Variants in XPO7 observed in about 807,000 individuals in gnomAD.
XPO7 encodes exportin-7.
Under a neutral mutation model 144.3 loss-of-function variants are expected in XPO7, and 21 were observed. That is an observed-to-expected ratio of 0.15 (90% CI 0.10 to 0.21). The LOEUF is 0.21. XPO7 is among the 10% of genes least tolerant of loss of function. The pLI is 1.00. For missense variants in XPO7, 808 were observed against 1,325.8 expected, an observed-to-expected ratio of 0.61 and a Z score of 6.06; for synonymous variants, 580 against 499.6, an observed-to-expected ratio of 1.16 and a Z score of -2.15.
chr8:21,941,469 TC>T (rs1292057560), intron 1 of XPO7, among the ~76,000 whole-genome samples: 3 of 152,318 alleles, frequency 2.0e-5, no homozygotes, highest in African/African-American at 7.2e-5. Flanking sequence ...CTTTAAATCA[TC>T]TCTAGATTAC....
chr8:21,955,092 C>T (rs1811492366), intron 1 of XPO7, among the ~76,000 whole-genome samples: 1 of 152,190 alleles, frequency 6.6e-6, no homozygotes, highest in East Asian at 1.9e-4. Flanking sequence ...AATTTGGGTT[C>T]TCAAATAGCT....
intron 2 of XPO7, 70 bp downstream of exon 2, chr8:21,967,073 G>A: frequency 6.5e-7 from 1 of 1,541,580 alleles, no homozygotes. Flanking sequence ...CTCTGTGTAG[G>A]AATGGCATGG....
intron 21 of XPO7, among the ~76,000 whole-genome samples, chr8:21,998,398 G>A (rs565275795): frequency 9.2e-5 from 14 of 152,230 alleles, no homozygotes; most frequent in Middle Eastern, 3.4e-3. Flanking sequence ...CCGAAATTGC[G>A]CCACCGCACT....
At position 21,972,581 on chromosome 8, in the gene XPO7, T is replaced by G. The variant is rs570298606; in HGVS notation, c.492+640T>G. 4.6e-5 allele frequency among the ~76,000 whole-genome samples: 7 copies of G among 152,322 alleles called. No individual in the cohort carries two copies. In the South Asian group the frequency reaches 1.5e-3, roughly 32 times the overall value. On this transcript the variant is annotated intron_variant, in intron 5 of 27. Transcript: ENST00000252512. The stretch of plus-strand genomic sequence containing the variant: ...GTGCCCCTTCTGCTCCTATATACTT[T>G]AAATTTTTTAAATGGTCATTGATGC...
chr8:21,981,641 C>A, intron 9 of XPO7, 90 bp from the exon 10 acceptor site: 1 of 1,495,772 alleles, frequency 6.7e-7, no homozygotes, highest in Non-Finnish European at 9.2e-7. Context: ...TAGATTCTAC[C>A]CCTTCCCCCA....
intron 8 of XPO7, among the ~76,000 whole-genome samples, chr8:21,979,790 T>C (rs1267771628): frequency 6.6e-6 from 1 of 152,092 alleles, no homozygotes; most frequent in African/African-American, 2.4e-5. Context: ...GAAAACTAAA[T>C]CTAAAACTTT....
At chr8:21,996,937 T>C (rs908620810) in intron 21 of XPO7, among the ~76,000 whole-genome samples, 13 of 152,130 alleles carry the variant, frequency 8.5e-5, no homozygotes, top group Non-Finnish European at 1.6e-4. Context: ...GCCTCCCACA[T>C]AGCTGGGATT....
intron 12 of XPO7, among the ~76,000 whole-genome samples, chr8:21,985,212 C>G (rs1812540863): frequency 6.6e-6 from 1 of 152,112 alleles, no homozygotes; most frequent in Non-Finnish European, 1.5e-5. Flanking sequence ...GGGACCAGGC[C>G]AAGAGGTTTA....
intron 20 of XPO7, among the ~76,000 whole-genome samples, chr8:21,994,856 A>G (rs2117390959): frequency 6.6e-6 from 1 of 152,220 alleles, no homozygotes; most frequent in African/African-American, 2.4e-5. Flanking sequence ...GATCGAGACC[A>G]TCCTGGCTAA....
rs545131746 is a variant in XPO7, at chr8:21,928,058, T to C, written c.18+8270T>C. Among the ~76,000 whole-genome samples, 167 of 152,346 alleles carry C rather than the reference T, an allele frequency of 1.1e-3. 2 individuals carry two copies. The highest frequency in any genetic ancestry group is 3.9e-3 in the African/African-American group (163 of 41,572). ...GATACATACACCTGTGACTCCGGGA[T>C]CAAAATATGGAACATTTCCTCTTTG... On this transcript the variant is annotated intron_variant, in intron 1 of 27. Coordinates refer to ENST00000252512, the MANE Select transcript of XPO7 (RefSeq NM_015024.5).
chr8:21,937,561 T>A (rs752353628), intron 1 of XPO7, among the ~76,000 whole-genome samples: 103 of 152,296 alleles, frequency 6.8e-4, no homozygotes, highest in Middle Eastern at 3.4e-3. Flanking sequence ...CACTGCAGTG[T>A]CCCCATCTAC....
At chr8:21,967,971 C>G (rs983131108) in intron 2 of XPO7, among the ~76,000 whole-genome samples, 2 of 152,218 alleles carry the variant, frequency 1.3e-5, no homozygotes, top group Non-Finnish European at 1.5e-5. Flanking sequence ...GCAGCAAGCA[C>G]TGGCCTTCTT....
chr8:21,982,846 A>G lies in XPO7; in HGVS notation c.1277+34A>G, dbSNP rs369264055. 1.3e-5 allele frequency: 20 copies of G among 1,562,826 alleles called. No homozygotes were observed. The East Asian group carries it at 2.9e-4, about 23-fold the overall frequency. On this transcript the variant is annotated intron_variant, in intron 11 of 27. Transcript: ENST00000252512. ...ACTTAGCCTCATTCATTCCCGCACC[A>G]GTGGCCTGTTGTCACACTTCCTAGA...
intron 11 of XPO7, among the ~76,000 whole-genome samples, chr8:21,984,153 G>A (rs141614017): frequency 2.0e-5 from 3 of 152,168 alleles, no homozygotes; most frequent in South Asian, 4.1e-4. Flanking sequence ...CTACAGGAAC[G>A]TTGAGTTTGA....
chr8:21,981,946 G>A, intron 10 of XPO7, 69 bp downstream of exon 10: 3 of 1,580,482 alleles, frequency 1.9e-6, no homozygotes, highest in Non-Finnish European at 2.6e-6. Context: ...TTTTAACCAT[G>A]TAAGAATATA....
chr8:21,974,023 TTTTTG>T (rs1252475865), intron 5 of XPO7, among the ~76,000 whole-genome samples: 16 of 152,078 alleles, frequency 1.1e-4, no homozygotes, highest in Admixed American at 7.2e-4. Context: ...TTTGTTTTTG[TTTTTG>T]TTTTGAGTTT....
At chr8:21,931,537 CAG>C (rs914803559) in intron 1 of XPO7, among the ~76,000 whole-genome samples, 2 of 152,208 alleles carry the variant, frequency 1.3e-5, no homozygotes, top group African/African-American at 4.8e-5. Flanking sequence ...GGAACAGCCT[CAG>C]ATTCTGTTAC....
chr8:21,966,600 A>G (rs904717344), intron 1 of XPO7, among the ~76,000 whole-genome samples: 4 of 150,508 alleles, frequency 2.7e-5, no homozygotes, highest in Admixed American at 2.6e-4. Flanking sequence ...GGAAAAATGT[A>G]TCATGTATGA....
chr8:21,923,033 T>C (rs1470353676), intron 1 of XPO7, among the ~76,000 whole-genome samples: 2 of 152,224 alleles, frequency 1.3e-5, no homozygotes, highest in Non-Finnish European at 2.9e-5. Context: ...AAAGTGATGG[T>C]TGTTTTTTCA....
Sources: allele counts gnomAD v4.1 joint callset (sites outside exome capture counted in the v4.1 genomes callset), GRCh38; gene constraint gnomAD v4.1.1; transcripts MANE v1.5; gene names NCBI Gene and HGNC (gene_info 2026-07-23, HGNC 2026-07-21).